Variants in LRP1B observed in about 807,000 individuals in gnomAD.
The protein encoded by LRP1B is low-density lipoprotein receptor-related protein 1B.
Under a neutral mutation model 556.6 loss-of-function variants are expected in LRP1B, and 217 were observed. The ratio of observed to expected loss-of-function variants is 0.39; its 90% CI spans 0.35 to 0.44. The LOEUF is 0.44. Among genes scored for constraint, LRP1B ranks in the 20% least tolerant of loss-of-function variants. The pLI is 1.00. For synonymous variants in LRP1B, 2,047 were observed against 1,865.8 expected, an observed-to-expected ratio of 1.10 and a Z score of -2.50; for missense variants, 5,053 against 5,620.8, an observed-to-expected ratio of 0.90 and a Z score of 3.23.
chr2:140,256,867 C>G (rs1417391308), intron 86 of LRP1B, among the ~76,000 whole-genome samples: 1 of 151,618 alleles, frequency 6.6e-6, no homozygotes, highest in African/African-American at 2.4e-5. Context: ...TTTGTATCAT[C>G]TGAGTTAGTT....
intron 43 of LRP1B, among the ~76,000 whole-genome samples, chr2:140,565,918 C>T (rs897238406): frequency 1.3e-5 from 2 of 152,182 alleles, no homozygotes; most frequent in African/African-American, 4.8e-5. Context: ...GTACTCACCA[C>T]TGGGGACCCC....
intron 43 of LRP1B, among the ~76,000 whole-genome samples, chr2:140,593,986 T>C (rs1453172132): frequency 6.7e-6 from 1 of 149,850 alleles, no homozygotes; most frequent in Admixed American, 6.7e-5. Flanking sequence ...TCATGTTAAT[T>C]TTTTTTTTTT....
chr2:141,718,455 G>T (rs765736960), intron 2 of LRP1B, among the ~76,000 whole-genome samples: 4 of 152,070 alleles, frequency 2.6e-5, no homozygotes, highest in African/African-American at 4.8e-5. Context: ...CCCTGGTCCT[G>T]GGTTTTGGAA....
chr2:142,097,515 AAATTATTTAGAAAATCAT>A (rs1299274359), intron 1 of LRP1B, among the ~76,000 whole-genome samples: 2 of 151,702 alleles, frequency 1.3e-5, no homozygotes, highest in African/African-American at 4.8e-5. Flanking sequence ...CTTGACTTTA[AAATTATTTAGAAAATCAT>A]ATATGGTGCT....
intron 3 of LRP1B, among the ~76,000 whole-genome samples, chr2:141,294,292 T>A (rs1255094560): frequency 1.3e-5 from 2 of 152,214 alleles, no homozygotes; most frequent in Admixed American, 1.3e-4. Context: ...AGAAAAAATA[T>A]ACTTTGGATT....
intron 2 of LRP1B, among the ~76,000 whole-genome samples, chr2:141,571,661 T>C (rs1574091029): frequency 6.6e-6 from 1 of 151,872 alleles, no homozygotes; most frequent in Admixed American, 6.6e-5. Flanking sequence ...TCTAACCCAA[T>C]GCAAAGAAGC....
chr2:140,822,068 C>A (rs1055931623), intron 31 of LRP1B, among the ~76,000 whole-genome samples: 3 of 151,948 alleles, frequency 2.0e-5, no homozygotes, highest in African/African-American at 7.3e-5. Flanking sequence ...ACACAAGATT[C>A]CTAAGAATAT....
intron 2 of LRP1B, among the ~76,000 whole-genome samples, chr2:141,797,146 CATATATATATATATAT>C (rs6146945): frequency 8.5e-4 from 67 of 79,086 alleles, no homozygotes; most frequent in Middle Eastern, 6.5e-3. Context: ...TGAAAATAAT[CATATATATATATATAT>C]ATATATATAT....
chr2:141,743,192 CA>C (rs1338863216), intron 2 of LRP1B, among the ~76,000 whole-genome samples: 1 of 152,068 alleles, frequency 6.6e-6, no homozygotes, highest in Non-Finnish European at 1.5e-5. Context: ...TTGAAATAAT[CA>C]TATGGTGTTT....
intron 1 of LRP1B, among the ~76,000 whole-genome samples, chr2:141,945,358 T>A (rs146931397): frequency 3.5e-4 from 54 of 152,176 alleles, no homozygotes; most frequent in Non-Finnish European, 6.8e-4. Flanking sequence ...AGACATATTG[T>A]ACACATAGAG....
intron 1 of LRP1B, among the ~76,000 whole-genome samples, chr2:141,874,950 T>C (rs1698707791): frequency 6.6e-6 from 1 of 151,848 alleles, no homozygotes. Context: ...CCTGTGTAGA[T>C]TTTATAAGAG....
Position 141,305,042 on chromosome 2 carries a change from T to C in LRP1B, c.344-50401A>G, listed in dbSNP as rs144578531. On this transcript the variant is annotated intron_variant, in intron 3 of 90. Coordinates refer to ENST00000389484, the MANE Select transcript of LRP1B (RefSeq NM_018557.3). ...TGTGATGCCTACATTTTTGTTCTTT[T>C]TGCTTAGGATTGCTTTGTATTTTGT... 3.4e-3 allele frequency among the ~76,000 whole-genome samples: 514 copies of C among 152,338 alleles called. 3 individuals carry two copies. The highest frequency in any genetic ancestry group is 0.012 in the African/African-American group (489 of 41,582).
At chr2:142,109,436 C>A (rs1033296896) in intron 1 of LRP1B, among the ~76,000 whole-genome samples, 1 of 152,218 alleles carries the variant, frequency 6.6e-6, no homozygotes, top group Admixed American at 6.6e-5. Context: ...GTTTTAATTT[C>A]TTTTTCTCCT....
intron 42 of LRP1B, among the ~76,000 whole-genome samples, chr2:140,600,429 A>T (rs115660836): frequency 0.014 from 2,094 of 152,240 alleles, 22 homozygotes; most frequent in Middle Eastern, 0.034. Context: ...CCTCACTTTT[A>T]GCTCTATAAA....
intron 35 of LRP1B, among the ~76,000 whole-genome samples, chr2:140,739,564 G>A (rs1036440378): frequency 2.0e-5 from 3 of 152,172 alleles, no homozygotes; most frequent in East Asian, 3.9e-4. Context: ...TTAAACAAAC[G>A]CCTAATACCA....
chr2:141,722,786 A>C (rs2105501906), intron 2 of LRP1B, among the ~76,000 whole-genome samples: 1 of 152,176 alleles, frequency 6.6e-6, no homozygotes, highest in South Asian at 2.1e-4. Context: ...AGATCAATCT[A>C]TCACCTGTAC....
chr2:140,715,965 A>G lies in LRP1B; in HGVS notation c.6023+8T>C. 6.4e-7 allele frequency: 1 copy of G among 1,560,426 alleles called. No individual in the cohort carries two copies. The highest frequency in any genetic ancestry group is 8.7e-7 in the Non-Finnish European group (1 of 1,152,236). On this transcript the variant is annotated splice_region_variant and intron_variant, in intron 37 of 90. Coordinates refer to ENST00000389484, the MANE Select transcript of LRP1B (RefSeq NM_018557.3). ...AACTTGGAAGATATACGTAAATCTT[A>G]AAATTACCCTTTCTCTGGGTGCACA...
chr2:141,629,237 G>C (rs1487367807), intron 2 of LRP1B, among the ~76,000 whole-genome samples: 1 of 152,042 alleles, frequency 6.6e-6, no homozygotes, highest in Non-Finnish European at 1.5e-5. Context: ...ATTTCTAAAG[G>C]GGAAAAAGAA....
At chr2:140,659,003 A>C (rs1684989061) in intron 41 of LRP1B, among the ~76,000 whole-genome samples, 1 of 151,784 alleles carries the variant, frequency 6.6e-6, no homozygotes, top group African/African-American at 2.4e-5. Context: ...AGTGAACTGG[A>C]AACATGTTAG....
Sources: allele counts gnomAD v4.1 joint callset (sites outside exome capture counted in the v4.1 genomes callset), GRCh38; gene constraint gnomAD v4.1.1; transcripts MANE v1.5; gene names NCBI Gene and HGNC (gene_info 2026-07-23, HGNC 2026-07-21).